AGTPBP1: variants seen among roughly 807,000 people sequenced by gnomAD.
AGTPBP1 encodes cytosolic carboxypeptidase 1.
In AGTPBP1, 70 loss-of-function variants were observed where a neutral mutation model predicts 143.9. The observed-to-expected ratio is 0.49, with a 90% CI of 0.40 to 0.59. The LOEUF (loss-of-function observed/expected upper bound fraction) is 0.59. Ranked by LOEUF, AGTPBP1 falls within the 20% of genes least tolerant of loss-of-function variation. The probability of loss-of-function intolerance (pLI) is 0.00; values close to 1 mark genes in which losing one functional copy is unlikely to be tolerated. For missense variants in AGTPBP1, 1,229 were observed against 1,464.5 expected, an observed-to-expected ratio of 0.84 and a Z score of 2.62; for synonymous variants, 463 against 500.2, an observed-to-expected ratio of 0.93 and a Z score of 0.99.
chr9:85,588,345 AAT>A lies in AGTPBP1; in HGVS notation c.2854_2855del (p.Ile952PhefsTer2). ...PTAQSLRESYIFKIVPMLNPD... is the reference protein window; with the variant it reads ...PTAQSLRESYXFKIVPMLNPD... ...GATTTAACATAGGGACAATTTTAAA[AAT>A]ATAAGATTCTCGTAAGCTCTGAGCA... is the stretch of plus-strand genomic sequence containing the variant. On this transcript the variant is annotated frameshift_variant, in exon 21 of 26. Transcript: ENST00000357081. LOFTEE classifies it high-confidence loss of function. 1.2e-6 allele frequency: 2 copies of A among 1,610,190 alleles called. No homozygotes were observed. The highest frequency in any genetic ancestry group is 1.7e-6 in the Non-Finnish European group (2 of 1,178,756).
At chr9:85,590,980 G>A (rs1828922712) in intron 19 of AGTPBP1, among the ~76,000 whole-genome samples, 1 of 151,956 alleles carries the variant, frequency 6.6e-6, no homozygotes, top group African/African-American at 2.4e-5. Context: ...AGTTTTATAG[G>A]TATATATTTT....
intron 14 of AGTPBP1, among the ~76,000 whole-genome samples, chr9:85,630,802 C>G (rs1453730578): frequency 6.6e-6 from 1 of 152,070 alleles, no homozygotes; most frequent in Non-Finnish European, 1.5e-5. Flanking sequence ...TTAAATCCCT[C>G]TCACCCTCAG....
chr9:85,645,079 T>C (rs1345761093), intron 12 of AGTPBP1, among the ~76,000 whole-genome samples: 4 of 152,164 alleles, frequency 2.6e-5, no homozygotes, highest in African/African-American at 9.6e-5. Flanking sequence ...TAAACTAGAC[T>C]GAGAACCTCT....
At chr9:85,655,610 G>A (rs1035290238) in intron 10 of AGTPBP1, among the ~76,000 whole-genome samples, 16 of 151,222 alleles carry the variant, frequency 1.1e-4, no homozygotes, top group African/African-American at 3.6e-4. Flanking sequence ...GCAAGCCTAG[G>A]GCATAAAATA....
At chr9:85,756,379 A>C in the AGTPBP1 span, 1 of 970,232 alleles carries the variant, frequency 1.0e-6, no homozygotes, top group Non-Finnish European at 1.4e-6. Context: ...ACCTTCATAC[A>C]CTGCTGGTGA....
rs537982483 is a variant in AGTPBP1 at position 85,554,943 on chromosome 9, G to A, written c.3504-7657C>T. On this transcript the variant is annotated intron_variant, in intron 25 of 25. Coordinates refer to ENST00000357081, the MANE Select transcript of AGTPBP1 (RefSeq NM_001330701.2). ...ACTGAAATTAAGAACTCAAAGATAG[G>A]TTTAAAACTGTCTTTTGGACAGAGC... Among the ~76,000 whole-genome samples the A allele has an allele frequency of 7.2e-5, 11 of 152,250 alleles. No homozygotes were observed. The East Asian group carries it at 1.7e-3, about 24-fold the overall frequency.
chr9:85,624,279 C>T (rs182912114), intron 14 of AGTPBP1, among the ~76,000 whole-genome samples: 3 of 152,176 alleles, frequency 2.0e-5, no homozygotes, highest in Non-Finnish European at 4.4e-5. Context: ...TACATATATA[C>T]GATCAACAGG....
chr9:85,563,221 G>C (rs1826858344), intron 25 of AGTPBP1, among the ~76,000 whole-genome samples: 1 of 152,172 alleles, frequency 6.6e-6, no homozygotes, highest in Admixed American at 6.5e-5. Flanking sequence ...TAAAAATGTG[G>C]CAGCAGTTTT....
At chr9:85,608,487 C>T (rs976173179) in intron 17 of AGTPBP1, among the ~76,000 whole-genome samples, 2 of 151,850 alleles carry the variant, frequency 1.3e-5, no homozygotes, top group Non-Finnish European at 2.9e-5. Context: ...ATGTCTCATC[C>T]TGATACAGAT....
chr9:85,624,837 C>T (rs1003321842), intron 14 of AGTPBP1, among the ~76,000 whole-genome samples: 2 of 152,176 alleles, frequency 1.3e-5, no homozygotes, highest in Non-Finnish European at 2.9e-5. Flanking sequence ...CCAGATTTTA[C>T]TTGATGAAAA....
Position 85,612,690 on chromosome 9 carries a change from T to C in AGTPBP1, c.2335+6293A>G, listed in dbSNP as rs1056906618. On this transcript the variant is annotated intron_variant, in intron 17 of 25. Transcript: ENST00000357081. ...GACTGGCATCTGTAGTGAGGGGCAG[T>C]CGTGGGAGACTGAGTCCTTAATCCT... Among the ~76,000 whole-genome samples the C allele has an allele frequency of 5.9e-5, 9 of 152,200 alleles. No homozygotes were observed. The South Asian group carries it at 1.0e-3, about 18-fold the overall frequency.
upstream of AGTPBP1, chr9:85,742,005 G>C (rs552189592): frequency 1.7e-6 from 2 of 1,208,232 alleles, no homozygotes; most frequent in Non-Finnish European, 2.1e-6. Context: ...CGCACGCCTT[G>C]CCAGCCGGCT....
chr9:85,803,603 C>T, the AGTPBP1 span, among the ~76,000 whole-genome samples: 2 of 152,152 alleles, frequency 1.3e-5, no homozygotes, highest in Admixed American at 6.5e-5. Context: ...TTTTGAGCAG[C>T]GAGACTCTGA....
chr9:85,668,208 C>T (rs1452045793), intron 8 of AGTPBP1, among the ~76,000 whole-genome samples: 1 of 151,940 alleles, frequency 6.6e-6, no homozygotes, highest in East Asian at 1.9e-4. Context: ...TTTGTGTAGG[C>T]TTGGAAATTT....
the AGTPBP1 span, among the ~76,000 whole-genome samples, chr9:85,755,358 G>A: frequency 6.6e-6 from 1 of 152,100 alleles, no homozygotes; most frequent in Non-Finnish European, 1.5e-5. Flanking sequence ...ATTTATGTTT[G>A]TATTTGTTTC....
the AGTPBP1 span, among the ~76,000 whole-genome samples, chr9:85,772,676 T>G: frequency 6.6e-6 from 1 of 151,706 alleles, no homozygotes; most frequent in Admixed American, 6.6e-5. Flanking sequence ...TCACTTGATC[T>G]CAGGAGTTGG....
At chr9:85,610,920 A>C (rs941209633) in intron 17 of AGTPBP1, among the ~76,000 whole-genome samples, 10 of 152,222 alleles carry the variant, frequency 6.6e-5, no homozygotes, top group Non-Finnish European at 1.3e-4. Flanking sequence ...GACCTAACAA[A>C]TCTAAAGATA....
At position 85,657,494 on chromosome 9, in the gene AGTPBP1, A is replaced by C; in HGVS notation, c.850T>G (p.Leu284Val). 1 of 1,613,840 alleles carries C rather than the reference A, an allele frequency of 6.2e-7. No homozygotes were observed. The highest frequency in any genetic ancestry group is 8.5e-7 in the Non-Finnish European group (1 of 1,179,904). Residue 284 changes from leucine to valine, a missense_variant, in exon 10 of 26, where the codon TTG (leucine) becomes GTG (valine). By Grantham distance (32) the Leu-to-Val change is conservative (BLOSUM62 1). This residue lies in a region of AGTPBP1 where 743 missense variants were observed against 812.2 expected (regional missense o/e 0.91). Transcript: ENST00000357081. ...QSLKSVTNIK[L>V]GRKAFIDANG... Reference sequence around the variant, plus strand: ...GCATCAATAAATGCTTTTCTTCCCAACTTGATGTTTGTAACACTTTTTAAA... The same window carrying C: ...GCATCAATAAATGCTTTTCTTCCCACCTTGATGTTTGTAACACTTTTTAAA...
At chr9:85,755,755 C>G in the AGTPBP1 span, among the ~76,000 whole-genome samples, 2 of 152,164 alleles carry the variant, frequency 1.3e-5, no homozygotes, top group Non-Finnish European at 2.9e-5. Context: ...CTGTGCAGCA[C>G]TACAACAGAG....
Sources: gnomAD v4.1 joint callset for allele counts (sites outside exome capture counted in the v4.1 genomes callset) on GRCh38, gnomAD v4.1.1 for gene constraint, gnomAD v4.1.1 regional missense constraint, MANE v1.5 for transcripts, NCBI Gene and HGNC (gene_info 2026-07-23, HGNC 2026-07-21) for gene names.